Variants in WNK3 observed in about 807,000 individuals in gnomAD.
WNK3 encodes WNK lysine deficient protein kinase 3, also known as serine/threonine-protein kinase WNK3.
WNK3 carries 18 observed loss-of-function variants against 116.7 expected under a neutral mutation model. That is an observed-to-expected ratio of 0.15 (90% CI 0.11 to 0.23). The LOEUF is 0.23. Among genes scored for constraint, WNK3 ranks in the 10% least tolerant of loss-of-function variants. The pLI is 1.00. For missense variants in WNK3, 993 were observed against 1,323.8 expected, an observed-to-expected ratio of 0.75 and a Z score of 3.88; for synonymous variants, 404 against 469.4, an observed-to-expected ratio of 0.86 and a Z score of 1.80.
At chrX:54,264,386 G>A (rs1370945753) in intron 10 of WNK3, among the ~76,000 whole-genome samples, 1 of 108,925 alleles carries the variant, frequency 9.2e-6, no homozygotes, top group Admixed American at 9.9e-5. Context: ...GGTTGGTCTC[G>A]AACTCCTGGG....
intron 10 of WNK3, among the ~76,000 whole-genome samples, chrX:54,266,514 T>C (rs1418852623): frequency 9.0e-6 from 1 of 111,056 alleles, no homozygotes; most frequent in Admixed American, 9.7e-5. Flanking sequence ...GTGATTATTA[T>C]GCATTGTATG....
intron 2 of WNK3, among the ~76,000 whole-genome samples, chrX:54,330,372 A>AAAAC (rs782515737): frequency 1.6e-3 from 177 of 109,996 alleles, no homozygotes; most frequent in Middle Eastern, 0.014. Context: ...GACTCCGTCT[A>AAAAC]AAACAAACAA....
intron 1 of WNK3, among the ~76,000 whole-genome samples, chrX:54,337,483 C>T (rs182966729): frequency 0.011 from 1,200 of 108,333 alleles, 14 homozygotes; most frequent in African/African-American, 0.039. Context: ...TGCTTGAACC[C>T]GGGAGGCAGA....
chrX:54,215,486 C>G (rs1450380093), intron 22 of WNK3, among the ~76,000 whole-genome samples: 3 of 112,914 alleles, frequency 2.7e-5, no homozygotes, highest in Non-Finnish European at 5.6e-5. Context: ...CTCGCTCACT[C>G]AGTGCTCAAT....
chrX:54,320,061 T>C (rs2069010589), intron 2 of WNK3, among the ~76,000 whole-genome samples: 1 of 112,087 alleles, frequency 8.9e-6, no homozygotes, highest in Non-Finnish European at 1.9e-5. Context: ...TTATAAATGT[T>C]CATTTATATA....
chrX:54,237,088 C>T (rs1240999666), exon 20 of WNK3: 2 of 1,210,613 alleles, frequency 1.7e-6, no homozygotes, highest in Non-Finnish European at 2.2e-6. Context: ...GCACTGATTA[C>T]TCTCTGGACC....
intron 22 of WNK3, among the ~76,000 whole-genome samples, chrX:54,220,253 A>G (rs2067746957): frequency 8.9e-6 from 1 of 111,776 alleles, no homozygotes; most frequent in Admixed American, 9.6e-5. Flanking sequence ...AAAAATCTGA[A>G]TTTCCATTGA....
rs2067879858 is a variant in WNK3 at position 54,229,594 on chromosome X, C to T, written c.4841-851G>A. 1.8e-5 allele frequency among the ~76,000 whole-genome samples: 2 copies of T among 109,371 alleles called. 1 individual carries two copies. The highest frequency in any genetic ancestry group is 7.7e-4 in the South Asian group (2 of 2,595). The allele number at this position is 109,371 out of a possible 115,157, so 95.0% of individuals were successfully genotyped here. On this transcript the variant is annotated intron_variant, in intron 21 of 23. Coordinates refer to ENST00000354646, the Ensembl canonical transcript of WNK3. Reference sequence around the variant, plus strand: ...AAACAAAGTTTCAGGAAACATAATACCTAATTTTAACAATAATAATTTTAA... The same window carrying T: ...AAACAAAGTTTCAGGAAACATAATATCTAATTTTAACAATAATAATTTTAA...
intron 2 of WNK3, among the ~76,000 whole-genome samples, chrX:54,319,701 A>G (rs892309495): frequency 8.0e-5 from 9 of 112,731 alleles, no homozygotes; most frequent in African/African-American, 2.9e-4. Context: ...TAGCAAGGGG[A>G]AAGTAAACCT....
intron 10 of WNK3, among the ~76,000 whole-genome samples, chrX:54,279,137 G>A (rs1557161743): frequency 9.2e-6 from 1 of 108,329 alleles, no homozygotes; most frequent in African/African-American, 3.3e-5. Flanking sequence ...ACACTGAAAT[G>A]AAAAATGTAA....
intron 1 of WNK3, among the ~76,000 whole-genome samples, chrX:54,350,327 G>A (rs1465216016): frequency 9.2e-6 from 1 of 109,237 alleles, no homozygotes; most frequent in Non-Finnish European, 1.9e-5. Flanking sequence ...GGAGAACGGC[G>A]TGAACCCACG....
chrX:54,276,170 T>G (rs782265857), intron 10 of WNK3, among the ~76,000 whole-genome samples: 1 of 109,912 alleles, frequency 9.1e-6, no homozygotes, highest in Non-Finnish European at 1.9e-5. Flanking sequence ...CAGAAACTCG[T>G]CTCTACTAAA....
chrX:54,203,304 G>A (rs1557142062), intron 22 of WNK3, among the ~76,000 whole-genome samples: 1 of 111,719 alleles, frequency 9.0e-6, no homozygotes, highest in East Asian at 2.8e-4. Context: ...CATTCTTACA[G>A]GAAATATTCA....
rs898662008 is a variant in WNK3 at position 54,249,983 on chromosome X, G to A, written c.2713+11C>T. The A allele has an allele frequency of 5.9e-6, 7 of 1,195,447 alleles. No homozygotes were observed. The highest frequency in any genetic ancestry group is 7.9e-6 in the Non-Finnish European group (7 of 890,043). ...GAGTCTGGACAAAGCTGGCAGAGAA[G>A]AAAAGCTTACTAGGAAGTGGATGTC... On this transcript the variant is annotated intron_variant, in intron 16 of 23. Transcript: ENST00000354646.
Position 54,284,533 on chromosome X carries a change from C to CA in WNK3, c.2037+8354dup, listed in dbSNP as rs1225497747. On this transcript the variant is annotated intron_variant, in intron 10 of 23. Transcript: ENST00000354646. ...TTCAAGAGAAATGAAAACATGTTTA[C>CA]AAAAAAAAAAACTTATATAGGGATG... 5.6e-3 allele frequency among the ~76,000 whole-genome samples: 551 copies of CA among 97,795 alleles called. 2 individuals are homozygous for CA. Among genetic ancestry groups the CA allele is most frequent in the Non-Finnish European group, 8.4e-3 (403 of 47,949 alleles). The allele number at this position is 97,795 out of a possible 115,157, so 84.9% of individuals were successfully genotyped here.
rs1179817691 is a variant in WNK3, at chrX:54,232,091, GTA to G, written c.4840+716_4840+717del. ...TTGTTGAGTGTGTGTGTGTGTCTGT[GTA>G]TATGTGTGTGTGTGTGTGTGTATAT... On this transcript the variant is annotated intron_variant, in intron 21 of 23. Transcript: ENST00000354646. Among the ~76,000 whole-genome samples, 4 of 100,821 alleles carry G rather than the reference GTA, an allele frequency of 4.0e-5. No homozygotes were observed. The East Asian group carries it at 9.0e-4, about 23-fold the overall frequency. 87.6% of individuals were successfully genotyped at this position (100,821 alleles called of 115,157 possible). A position where few individuals can be genotyped will look rare whatever the true frequency, so the allele number is the denominator to read the frequency against.
chrX:54,330,302 G>GGT (rs200231392), intron 2 of WNK3, among the ~76,000 whole-genome samples: 1,242 of 111,047 alleles, frequency 0.011, 7 homozygotes, highest in Admixed American at 0.025. Context: ...GAACCTGGGA[G>GGT]GTGGAGGTTG....
chrX:54,333,842 T>C, intron 1 of WNK3, 50 bp from the exon 2 acceptor site: 4 of 416,874 alleles, frequency 9.6e-6, no homozygotes, highest in Non-Finnish European at 1.6e-5. Flanking sequence ...AAGGAAATCA[T>C]TAAGGAGAAA....
intron 22 of WNK3, among the ~76,000 whole-genome samples, chrX:54,212,139 T>A (rs782056119): frequency 3.6e-5 from 4 of 111,510 alleles, no homozygotes; most frequent in African/African-American, 1.3e-4. Context: ...GGCAGGAGAA[T>A]GTCGTGAAAC....
Sources: allele counts gnomAD v4.1 joint callset (sites outside exome capture counted in the v4.1 genomes callset), GRCh38; gene constraint gnomAD v4.1.1; transcripts MANE v1.5; gene names NCBI Gene and HGNC (gene_info 2026-07-23, HGNC 2026-07-21).